The following UBE3D variants were observed in gnomAD, a reference collection of about 807,000 sequenced individuals.
The protein encoded by UBE3D is E3 ubiquitin-protein ligase E3D.
UBE3D carries 48 observed loss-of-function variants against 49.6 expected under a neutral mutation model. The observed-to-expected ratio is 0.97, with a 90% CI of 0.77 to 1.23. UBE3D has a LOEUF of 1.23. Ranked by LOEUF, UBE3D falls within the 50% of genes most tolerant of loss-of-function variation. The pLI is 0.00. For missense variants in UBE3D, 452 were observed against 468.4 expected, an observed-to-expected ratio of 0.96 and a Z score of 0.32; for synonymous variants, 189 against 174.2, an observed-to-expected ratio of 1.08 and a Z score of -0.67.
chr6:82,968,685 C>G (rs1363933759), intron 8 of UBE3D, among the ~76,000 whole-genome samples: 2 of 152,116 alleles, frequency 1.3e-5, no homozygotes, highest in African/African-American at 2.4e-5. Context: ...CTCTTTGCCC[C>G]ATACTCCTGC....
intron 3 of UBE3D, chr6:83,049,834 G>T: frequency 2.1e-6 from 1 of 469,760 alleles, no homozygotes; most frequent in Non-Finnish European, 4.4e-6. Context: ...CATATGAGAT[G>T]AATTTATTTC....
At chr6:83,061,767 A>C (rs1460715224) in intron 1 of UBE3D, among the ~76,000 whole-genome samples, 1 of 152,224 alleles carries the variant, frequency 6.6e-6, no homozygotes, top group Non-Finnish European at 1.5e-5. Flanking sequence ...AAATGCTTCA[A>C]ATCAAGACCT....
intron 8 of UBE3D, among the ~76,000 whole-genome samples, chr6:83,006,858 C>T (rs1489739652): frequency 1.3e-5 from 2 of 151,962 alleles, no homozygotes; most frequent in Admixed American, 6.6e-5. Flanking sequence ...ATATACTTAA[C>T]GCTACCAAAA....
At chr6:82,961,430 A>T (rs1776539798) in intron 8 of UBE3D, among the ~76,000 whole-genome samples, 1 of 152,220 alleles carries the variant, frequency 6.6e-6, no homozygotes, top group Non-Finnish European at 1.5e-5. Flanking sequence ...AATGGTAGGC[A>T]TCATTCATCC....
intron 1 of UBE3D, 122 bp downstream of exon 1, chr6:83,065,520 G>A: frequency 1.1e-6 from 1 of 875,418 alleles, no homozygotes; most frequent in Non-Finnish European, 1.8e-6. Flanking sequence ...GTGATCGAGA[G>A]GCTCTACGCA....
intron 8 of UBE3D, among the ~76,000 whole-genome samples, chr6:82,974,544 T>TA (rs968636690): frequency 6.6e-6 from 1 of 152,224 alleles, no homozygotes; most frequent in African/African-American, 2.4e-5. Context: ...TGTATTTTTT[T>TA]ATTGTTGTGT....
chr6:82,969,758 T>C (rs139968862), intron 8 of UBE3D, among the ~76,000 whole-genome samples: 1 of 152,134 alleles, frequency 6.6e-6, no homozygotes, highest in Non-Finnish European at 1.5e-5. Context: ...GGTCCCAAAA[T>C]TTATATTTTA....
intron 8 of UBE3D, among the ~76,000 whole-genome samples, chr6:82,961,906 G>A (rs1274109056): frequency 6.6e-6 from 1 of 151,386 alleles, no homozygotes; most frequent in East Asian, 1.9e-4. Flanking sequence ...AGGGTGTGGT[G>A]AGACGAGATC....
At chr6:82,896,980 C>T (rs1771370374) in intron 9 of UBE3D, among the ~76,000 whole-genome samples, 1 of 151,762 alleles carries the variant, frequency 6.6e-6, no homozygotes, top group African/African-American at 2.4e-5. Context: ...ACCTTGTGAT[C>T]CACCCGCCCC....
chr6:82,917,841 G>A (rs987793292), intron 9 of UBE3D, among the ~76,000 whole-genome samples: 2 of 152,084 alleles, frequency 1.3e-5, no homozygotes, highest in Non-Finnish European at 2.9e-5. Context: ...TTTTTCTAGC[G>A]GCTCACTCTG....
chr6:83,010,189 T>A (rs4339423), intron 8 of UBE3D, among the ~76,000 whole-genome samples: 2 of 151,866 alleles, frequency 1.3e-5, no homozygotes, highest in Non-Finnish European at 2.9e-5. Flanking sequence ...GTATTAAAAT[T>A]TTAAGGTTAA....
At chr6:83,057,106 A>C (rs1783864397) in intron 2 of UBE3D, among the ~76,000 whole-genome samples, 1 of 152,180 alleles carries the variant, frequency 6.6e-6, no homozygotes, top group Admixed American at 6.5e-5. Flanking sequence ...AAATCAAATT[A>C]AGTATCAAAC....
At chr6:82,998,951 T>C (rs2127742430) in intron 8 of UBE3D, among the ~76,000 whole-genome samples, 1 of 152,292 alleles carries the variant, frequency 6.6e-6, no homozygotes, top group Non-Finnish European at 1.5e-5. Flanking sequence ...CACTATGAAT[T>C]TGTGATCATG....
intron 9 of UBE3D, among the ~76,000 whole-genome samples, chr6:82,914,729 G>T (rs530778195): frequency 6.6e-6 from 1 of 152,218 alleles, no homozygotes; most frequent in Non-Finnish European, 1.5e-5. Flanking sequence ...ATAGCATTCT[G>T]CAAAGAGCCC....
chr6:82,909,620 G>A (rs1232158372), intron 9 of UBE3D, among the ~76,000 whole-genome samples: 1 of 152,118 alleles, frequency 6.6e-6, no homozygotes. Flanking sequence ...TGCAAGGGTA[G>A]CTGCTTCAAA....
At chr6:83,026,737 A>C (rs1313399790) in intron 5 of UBE3D, among the ~76,000 whole-genome samples, 1 of 151,992 alleles carries the variant, frequency 6.6e-6, no homozygotes, top group Non-Finnish European at 1.5e-5. Flanking sequence ...CCTGTTGCCC[A>C]ATTAGGGTGC....
chr6:82,924,985 C>T (rs761384461), intron 9 of UBE3D: 2 of 152,308 alleles, frequency 1.3e-5, no homozygotes, highest in Non-Finnish European at 2.9e-5. Context: ...GTTGCAGTTG[C>T]ATATGCCCCT....
chr6:82,999,991 T>G (rs1779510927), intron 8 of UBE3D, among the ~76,000 whole-genome samples: 1 of 152,196 alleles, frequency 6.6e-6, no homozygotes, highest in Non-Finnish European at 1.5e-5. Flanking sequence ...TACTTTCTCC[T>G]TCTTAAAGCA....
At chr6:83,032,226 C>G (rs1242616076) in intron 5 of UBE3D, 3 of 456,066 alleles carry the variant, frequency 6.6e-6, no homozygotes, top group African/African-American at 2.0e-5. Context: ...ATGAAAGAAG[C>G]TGGGTGGGGC....
Sources: gnomAD v4.1 joint callset for allele counts (sites outside exome capture counted in the v4.1 genomes callset) on GRCh38, gnomAD v4.1.1 for gene constraint, MANE v1.5 for transcripts, NCBI Gene and HGNC (gene_info 2026-07-23, HGNC 2026-07-21) for gene names.